The following VWF variants were observed in gnomAD, a reference collection of about 807,000 sequenced individuals.
VWF encodes the protein von Willebrand factor.
A neutral mutation model predicts 308.6 loss-of-function variants in VWF; 176 were observed. That is an observed-to-expected ratio of 0.57 (90% CI 0.50 to 0.65). The LOEUF is 0.65. Among genes scored for constraint, VWF ranks in the 30% least tolerant of loss-of-function variants. The pLI is 0.00. For synonymous variants in VWF, 1,385 were observed against 1,443.4 expected (o/e 0.96, Z 0.92); for missense variants, 3,146 against 3,648.2 (o/e 0.86, Z 3.55).
chr12:6,004,493 C>T (rs1311940008), intron 34 of VWF, among the ~76,000 whole-genome samples: 6 of 152,018 alleles, frequency 3.9e-5, no homozygotes, highest in Non-Finnish European at 7.4e-5. Flanking sequence ...GCAAGATACT[C>T]CACTGCTATT....
rs1354577989 is a variant in VWF at position 6,046,134 on chromosome 12, G to C, written c.2281+589C>G. Among the ~76,000 whole-genome samples the C allele has an allele frequency of 6.6e-6, 1 of 152,154 alleles. No individual in the cohort carries two copies. Among genetic ancestry groups the C allele is most frequent in the Non-Finnish European group, 1.5e-5 (1 of 68,042 alleles). ...AGCTACTTGGGAGGCTGAGGCACGAGAATTGCTTGAACCCAGGAGGCAGAG... is the reference window on the plus strand; with the variant it reads ...AGCTACTTGGGAGGCTGAGGCACGACAATTGCTTGAACCCAGGAGGCAGAG... On this transcript the variant is annotated intron_variant, in intron 17 of 51. Coordinates refer to ENST00000261405, the MANE Select transcript of VWF (RefSeq NM_000552.5). This position sits in a 1 kb window ranked among gnomAD's most constrained non-coding sequence, Gnocchi z 5.0.
Position 5,993,994 on chromosome 12 carries a change from G to C in VWF, c.6466C>G (p.Pro2156Ala). Residue 2156 changes from proline (P) to alanine (A), a missense_variant, in exon 37 of 52, where the codon CCA (proline) becomes GCA (alanine). Physicochemically the swap from Pro to Ala is conservative, Grantham distance 27 (BLOSUM62 -1). This residue lies in a region of VWF where 989 missense variants were observed against 1,117.4 expected (regional missense o/e 0.89). Transcript: ENST00000261405. ...TGGCAGATGGCATAGAATGTGGCTG[G>C]AGCCAGGACCTTGTGGCATTCAGCA... ...LFAECHKVLA[P>A]ATFYAICQQD... 3 of 1,614,160 alleles carry C rather than the reference G, an allele frequency of 1.9e-6. No homozygotes were observed. Among genetic ancestry groups the C allele is most frequent in the Non-Finnish European group, 2.5e-6 (3 of 1,180,046 alleles).
In VWF at chr12:6,000,185, G is replaced by A. The variant is rs138197405; in HGVS notation, c.5843-3963C>T. 6.1e-3 allele frequency among the ~76,000 whole-genome samples: 921 copies of A among 152,176 alleles called. 11 individuals are homozygous for A. Among genetic ancestry groups the A allele is most frequent in the African/African-American group, 0.021 (888 of 41,518 alleles). The stretch of plus-strand genomic sequence containing the variant: ...TATGGGAGTCATGTGCCAGATGTCC[G>A]GAAAAATTAACCCAAAACAGTCAAC... On this transcript the variant is annotated intron_variant, in intron 34 of 51. Transcript: ENST00000261405.
At chr12:6,059,675 C>T (rs1053639742) in intron 13 of VWF, among the ~76,000 whole-genome samples, 1 of 152,210 alleles carries the variant, frequency 6.6e-6, no homozygotes, top group East Asian at 1.9e-4. Context: ...TTCATCATCT[C>T]CCAAAGGCCC....
Position 5,983,146 on chromosome 12 carries a change from T to A in VWF, c.7081+4A>T, listed in dbSNP as rs201531207. ...CCACCCCTCCTCATCCACAGAGGCC[T>A]TACCGCAGGTGAAGTTGGGTCTGCA... is the stretch of plus-strand genomic sequence containing the variant. On this transcript the variant is annotated splice_donor_region_variant and intron_variant, in intron 41 of 51. Transcript: ENST00000261405. The A allele has an allele frequency of 1.9e-5, 31 of 1,613,218 alleles. No homozygotes were observed. The East Asian group carries it at 6.2e-4, about 32-fold the overall frequency.
chr12:5,996,533 G>T (rs1943810249), intron 34 of VWF, among the ~76,000 whole-genome samples: 1 of 152,030 alleles, frequency 6.6e-6, no homozygotes, highest in Admixed American at 6.6e-5. Context: ...ATTCTACAGG[G>T]ATGCCTTGGC....
chr12:6,046,039 A>G lies in VWF; in HGVS notation c.2281+684T>C, dbSNP rs1944443500. Among the ~76,000 whole-genome samples the G allele has an allele frequency of 6.6e-6, 1 of 152,102 alleles. No homozygotes were observed. The highest frequency in any genetic ancestry group is 1.5e-5 in the Non-Finnish European group (1 of 68,018). On this transcript the variant is annotated intron_variant, in intron 17 of 51. Coordinates refer to ENST00000261405, the MANE Select transcript of VWF (RefSeq NM_000552.5). The surrounding 1 kb of genome is among the most constrained non-coding windows in gnomAD (Gnocchi z 5.0). ...GGAGTTCAAGACCAGCCTGGCCAAC[A>G]TGGCAAAACCCCGTCTCTACTAAAA...
At chr12:5,964,258 A>G (rs570585516) in intron 47 of VWF, among the ~76,000 whole-genome samples, 2,931 of 145,962 alleles carry the variant, frequency 0.02, 92 homozygotes, top group African/African-American at 0.075. Flanking sequence ...ATGCATACAT[A>G]CATACATACA....
intron 32 of VWF, among the ~76,000 whole-genome samples, chr12:6,012,598 C>A (rs1368282836): frequency 6.6e-6 from 1 of 151,554 alleles, no homozygotes; most frequent in Non-Finnish European, 1.5e-5. Context: ...CTTATTCCCC[C>A]GAAGGACAGT....
At chr12:6,109,852 A>G (rs1945285915) in intron 5 of VWF, among the ~76,000 whole-genome samples, 1 of 152,166 alleles carries the variant, frequency 6.6e-6, no homozygotes, top group South Asian at 2.1e-4. Context: ...TGGTTTCACC[A>G]TGTTAGCCAG....
intron 8 of VWF, among the ~76,000 whole-genome samples, chr12:6,073,352 CCAAA>C (rs1446464903): frequency 5.9e-5 from 9 of 152,178 alleles, no homozygotes; most frequent in African/African-American, 1.2e-4. Context: ...CACGAGTTCC[CCAAA>C]CAAAGTTACT....
chr12:6,062,339 A>G (rs1017413775), intron 13 of VWF, among the ~76,000 whole-genome samples: 4 of 152,058 alleles, frequency 2.6e-5, no homozygotes, highest in African/African-American at 9.7e-5. Context: ...GGAGTGCTGC[A>G]CCATCCCTCC....
rs1219013109 is a variant in VWF, at chr12:6,044,343, A to C, written c.2390T>G (p.Leu797Arg). 6.2e-7 allele frequency: 1 copy of C among 1,614,150 alleles called. No individual in the cohort carries two copies. The highest frequency in any genetic ancestry group is 1.3e-5 in the African/African-American group (1 of 75,036). ...ECTKTCQNYD[L>R]ECMSMGCVSG... ...GACACAGCCCATGCTCATGCACTCC[A>C]GGTCATAGTTCTGGCACGTTTTGGT... The change falls in exon 18 of 52, where the codon CTG (leucine) becomes CGG (arginine). Residue 797 changes from leucine to arginine, a missense_variant. Leu to Arg is a moderately radical substitution (Grantham distance 102). Coordinates refer to ENST00000261405, the MANE Select transcript of VWF (RefSeq NM_000552.5).
At chr12:6,002,349 AAAGAT>A (rs1943880330) in intron 34 of VWF, among the ~76,000 whole-genome samples, 1 of 151,924 alleles carries the variant, frequency 6.6e-6, no homozygotes, top group African/African-American at 2.4e-5. Flanking sequence ...GATCAAGAAA[AAAGAT>A]AATAAACATG....
chr12:6,012,292 G>C (rs761594746), intron 32 of VWF, among the ~76,000 whole-genome samples, 162 bp from the exon 33 acceptor site: 1 of 152,246 alleles, frequency 6.6e-6, no homozygotes, highest in Non-Finnish European at 1.5e-5. Flanking sequence ...ACATGAGGCT[G>C]AGGTGGTCAT....
chr12:6,017,753 A>G (rs1431277125), intron 28 of VWF, among the ~76,000 whole-genome samples: 4 of 152,180 alleles, frequency 2.6e-5, no homozygotes, highest in South Asian at 4.1e-4. Context: ...GAGGTTAAGT[A>G]TTTGCCTCAT....
chr12:6,109,561 CATATG>C (rs1945281661), intron 5 of VWF, among the ~76,000 whole-genome samples: 1 of 152,120 alleles, frequency 6.6e-6, no homozygotes, highest in East Asian at 1.9e-4. Flanking sequence ...AGAAAGATAA[CATATG>C]TAAGTGTTTA....
chr12:5,995,337 A>T (rs934497906), intron 35 of VWF, among the ~76,000 whole-genome samples: 1 of 152,106 alleles, frequency 6.6e-6, no homozygotes, highest in Admixed American at 6.5e-5. Flanking sequence ...TATCATTTTG[A>T]TTTTTTAATT....
At chr12:6,067,962 C>T (rs1050191527) in intron 10 of VWF, among the ~76,000 whole-genome samples, 2 of 151,924 alleles carry the variant, frequency 1.3e-5, no homozygotes, top group Admixed American at 1.3e-4. Context: ...GGTGAAACCC[C>T]GTCTCTACTA....
Sources: allele counts gnomAD v4.1 joint callset (sites outside exome capture counted in the v4.1 genomes callset), GRCh38; gene constraint gnomAD v4.1.1; regional missense constraint gnomAD v4.1.1; non-coding constraint Gnocchi (gnomAD v3.1); transcripts MANE v1.5; gene names NCBI Gene and HGNC (gene_info 2026-07-23, HGNC 2026-07-21).